Variants in TRHDE observed in about 807,000 individuals in gnomAD.
The protein encoded by TRHDE is thyrotropin releasing hormone degrading enzyme.
In TRHDE, 72 loss-of-function variants were observed where a neutral mutation model predicts 125.7. The observed-to-expected ratio is 0.57, with a 90% CI of 0.47 to 0.70. TRHDE has a LOEUF of 0.70. Among genes scored for constraint, TRHDE ranks in the 30% least tolerant of loss-of-function variants. The pLI, the probability that TRHDE is intolerant of heterozygous loss-of-function variation, is 0.00. For synonymous variants in TRHDE, 509 were observed against 509.1 expected (o/e 1.00, Z 0.00); for missense variants, 1,110 against 1,327.1 (o/e 0.84, Z 2.54).
intron 2 of TRHDE, chr12:72,167,543 GAAAT>G (rs1876779573): frequency 6.6e-6 from 1 of 152,078 alleles, no homozygotes; most frequent in Non-Finnish European, 1.5e-5. Context: ...TATAGCAAAA[GAAAT>G]AAAGCATCAG....
At chr12:72,333,641 T>G (rs906731098) in intron 2 of TRHDE, among the ~76,000 whole-genome samples, 1 of 152,238 alleles carries the variant, frequency 6.6e-6, no homozygotes, top group Non-Finnish European at 1.5e-5. Flanking sequence ...ACATATGTCC[T>G]TAGTAAATCT....
At chr12:72,597,762 TACACACACAA>T (rs1872039414) in intron 12 of TRHDE, among the ~76,000 whole-genome samples, 4 of 80,682 alleles carry the variant, frequency 5.0e-5, no homozygotes, top group Non-Finnish European at 9.6e-5. Flanking sequence ...TATATATGCA[TACACACACAA>T]ATACATATGT....
intron 2 of TRHDE, among the ~76,000 whole-genome samples, chr12:72,156,951 G>A (rs140595887): frequency 1.3e-5 from 2 of 152,264 alleles, no homozygotes; most frequent in East Asian, 3.9e-4. Context: ...AAGCAGGGTA[G>A]CAGGATATGC....
At chr12:72,124,826 T>G (rs1875675463) in intron 2 of TRHDE, among the ~76,000 whole-genome samples, 2 of 152,152 alleles carry the variant, frequency 1.3e-5, no homozygotes, top group Admixed American at 1.3e-4. Context: ...GGCAGGATCT[T>G]GAGCCCAGGA....
chr12:72,398,437 C>T lies in TRHDE; in HGVS notation c.1315+20316C>T, dbSNP rs959049209. Among the ~76,000 whole-genome samples the T allele has an allele frequency of 2.6e-4, 40 of 152,246 alleles. 1 individual carries two copies. Among genetic ancestry groups the T allele is most frequent in the Admixed American group, 1.3e-3 (20 of 15,290 alleles). On this transcript the variant is annotated intron_variant, in intron 3 of 18. Coordinates refer to ENST00000261180, the MANE Select transcript of TRHDE (RefSeq NM_013381.3). ...TTGTCATTTTTTATAGCATTTATTACGTTCCATTGTATTATGTACTTTGCC... is the reference window on the plus strand; with the variant it reads ...TTGTCATTTTTTATAGCATTTATTATGTTCCATTGTATTATGTACTTTGCC...
chr12:72,658,061 T>C (rs1874776156), intron 18 of TRHDE, among the ~76,000 whole-genome samples: 1 of 152,154 alleles, frequency 6.6e-6, no homozygotes, highest in Admixed American at 6.6e-5. Context: ...CTAACTTGGT[T>C]TCTTTCACAC....
intron 2 of TRHDE, among the ~76,000 whole-genome samples, chr12:72,231,670 T>G (rs1263935947): frequency 6.6e-6 from 1 of 152,192 alleles, no homozygotes; most frequent in Admixed American, 6.5e-5. Flanking sequence ...CAAGATCTTC[T>G]GGAAAGACTA....
intron 3 of TRHDE, among the ~76,000 whole-genome samples, chr12:72,379,545 G>A (rs1290603791): frequency 1.3e-5 from 2 of 152,180 alleles, no homozygotes; most frequent in East Asian, 3.9e-4. Context: ...TGACCCTAAT[G>A]TAAAATTCAC....
chr12:72,197,871 A>C (rs1373393339), intron 2 of TRHDE, among the ~76,000 whole-genome samples: 1 of 151,578 alleles, frequency 6.6e-6, no homozygotes, highest in East Asian at 1.9e-4. Context: ...ATCGTACCCT[A>C]TATGCTTTAT....
chr12:72,469,598 G>A (rs1640002789), intron 3 of TRHDE, among the ~76,000 whole-genome samples, 160 bp from the exon 4 acceptor site: 1 of 152,138 alleles, frequency 6.6e-6, no homozygotes, highest in African/African-American at 2.4e-5. Context: ...CTATATTTCT[G>A]CTGTCATGTA....
At chr12:72,605,472 T>G (rs1216032388) in intron 12 of TRHDE, among the ~76,000 whole-genome samples, 1 of 152,166 alleles carries the variant, frequency 6.6e-6, no homozygotes, top group East Asian at 1.9e-4. Context: ...TCCTGCTTCC[T>G]GAAAGATGGT....
At chr12:72,341,275 C>T (rs1452274738) in intron 2 of TRHDE, among the ~76,000 whole-genome samples, 3 of 151,818 alleles carry the variant, frequency 2.0e-5, no homozygotes, top group Non-Finnish European at 1.5e-5. Flanking sequence ...TAATGCTATC[C>T]GTCCCCCAGC....
chr12:72,554,997 C>T (rs1182786360), intron 7 of TRHDE, among the ~76,000 whole-genome samples: 4 of 152,070 alleles, frequency 2.6e-5, no homozygotes, highest in Non-Finnish European at 5.9e-5. Context: ...TGAGAAGATG[C>T]CATTGTCTGT....
chr12:72,315,041 A>G (rs1309944400), intron 2 of TRHDE, among the ~76,000 whole-genome samples: 15 of 152,214 alleles, frequency 9.9e-5, no homozygotes, highest in African/African-American at 3.6e-4. Flanking sequence ...AGGCAGATAT[A>G]TCTGTATAAC....
intron 2 of TRHDE, among the ~76,000 whole-genome samples, chr12:72,326,917 G>A (rs1357860034): frequency 6.6e-6 from 1 of 152,008 alleles, no homozygotes; most frequent in African/African-American, 2.4e-5. Flanking sequence ...ACTCTTATTC[G>A]GGAACTGCTG....
chr12:72,529,524 A>G (rs902881705), intron 6 of TRHDE, among the ~76,000 whole-genome samples: 1 of 152,178 alleles, frequency 6.6e-6, no homozygotes, highest in African/African-American at 2.4e-5. Context: ...TTGCTGCTAT[A>G]CAATATGTAA....
chr12:72,099,690 G>T (rs988565337), intron 1 of TRHDE, among the ~76,000 whole-genome samples: 2 of 152,058 alleles, frequency 1.3e-5, no homozygotes, highest in African/African-American at 2.4e-5. Flanking sequence ...TGTTTTTTAG[G>T]TTAATATTTA....
chr12:72,605,248 A>T (rs6582094), intron 12 of TRHDE, among the ~76,000 whole-genome samples: 61,401 of 151,992 alleles, frequency 0.4, 14,419 homozygotes, highest in African/African-American at 0.64. Flanking sequence ...ACGCTTTCAG[A>T]GTATTTTAAT....
chr12:72,241,842 A>C (rs1435997172), intron 2 of TRHDE, among the ~76,000 whole-genome samples: 1 of 152,138 alleles, frequency 6.6e-6, no homozygotes, highest in Non-Finnish European at 1.5e-5. Flanking sequence ...GGTTTTTTTC[A>C]ACGTAGTCAT....
Sources: gnomAD v4.1 joint callset for allele counts (sites outside exome capture counted in the v4.1 genomes callset) on GRCh38, gnomAD v4.1.1 for gene constraint, MANE v1.5 for transcripts, NCBI Gene and HGNC (gene_info 2026-07-23, HGNC 2026-07-21) for gene names.